Variants in LCA5 observed in about 807,000 individuals in gnomAD.
The protein encoded by LCA5 is lebercilin LCA5, also known as lebercilin.
LCA5 carries 37 observed loss-of-function variants against 53.0 expected under a neutral mutation model. The ratio of observed to expected loss-of-function variants is 0.70; its 90% CI spans 0.54 to 0.92. LCA5 has a LOEUF of 0.92. LCA5 is among the 40% of genes least tolerant of loss of function. The probability of loss-of-function intolerance (pLI) is 0.00; values close to 1 mark genes in which losing one functional copy is unlikely to be tolerated. For synonymous variants in LCA5, 303 were observed against 282.9 expected (o/e 1.07, Z -0.71); for missense variants, 806 against 790.5 (o/e 1.02, Z -0.23).
rs77276999 is a variant in LCA5, at chr6:79,529,276, A to C, written c.-192+7889T>G. 6.8e-3 allele frequency among the ~76,000 whole-genome samples: 1,040 copies of C among 152,332 alleles called. 14 individuals carry two copies. Among genetic ancestry groups the C allele is most frequent in the African/African-American group, 0.023 (966 of 41,572 alleles). ...GCAATTCAAGTACCAGAAAGGTTTA[A>C]ATAAAAATGCAACCAAAGAAAGTAA... On this transcript the variant is annotated intron_variant, in intron 1 of 7. Transcript: ENST00000369846.
At chr6:79,511,132 T>A (rs1582637717) in intron 3 of LCA5, among the ~76,000 whole-genome samples, 1 of 152,162 alleles carries the variant, frequency 6.6e-6, no homozygotes, top group East Asian at 1.9e-4. Flanking sequence ...GCAAGTGCAC[T>A]TTCAGGCATA....
chr6:79,500,149 G>A (rs917650522), intron 3 of LCA5, among the ~76,000 whole-genome samples: 2 of 151,960 alleles, frequency 1.3e-5, no homozygotes, highest in African/African-American at 2.4e-5. Context: ...TAGTGCCGCA[G>A]TAAACATATG....
In LCA5 at chr6:79,513,395, T is replaced by C. The variant is rs777735715; in HGVS notation, c.537A>G (p.Gln179=). ...TALKERLRKS[Q]EKERATEKRV... ...TTTTCTCAGTTGCCCGTTCTTTCTC[T>C]TGAGATTTTCTTAAGCGTTCTTTGA... Residue 179 remains glutamine, a synonymous_variant, in exon 3 of 8, where the codon CAA becomes CAG. Transcript: ENST00000369846. 6.2e-7 allele frequency: 1 copy of C among 1,613,996 alleles called. No individual in the cohort carries two copies. Among genetic ancestry groups the C allele is most frequent in the South Asian group, 1.1e-5 (1 of 91,072 alleles).
In LCA5 at chr6:79,491,809, T is replaced by C. The variant is rs902570637; in HGVS notation, c.956-79A>G. The C allele has an allele frequency of 6.6e-6, 8 of 1,215,284 alleles. No individual in the cohort carries two copies. In the East Asian group the frequency reaches 7.4e-5, roughly 11 times the overall value. 75.3% of individuals were successfully genotyped at this position (1,215,284 alleles called of 1,614,324 possible). Reference sequence around the variant, plus strand: ...ATGGAATTCAGCTGGCATGTATATATATATATGCATGTGTGTTTGCATATA... The same window carrying C: ...ATGGAATTCAGCTGGCATGTATATACATATATGCATGTGTGTTTGCATATA... On this transcript the variant is annotated intron_variant, in intron 5 of 7. Coordinates refer to ENST00000369846, the MANE Select transcript of LCA5 (RefSeq NM_001122769.3).
At chr6:79,514,608 A>G (rs1766373977) in intron 2 of LCA5, among the ~76,000 whole-genome samples, 1 of 152,180 alleles carries the variant, frequency 6.6e-6, no homozygotes, top group Non-Finnish European at 1.5e-5. Flanking sequence ...CATGGAATCA[A>G]CCAAAATGCT....
chr6:79,503,013 T>C (rs182485381), intron 3 of LCA5, among the ~76,000 whole-genome samples: 14 of 152,058 alleles, frequency 9.2e-5, no homozygotes, highest in Admixed American at 9.2e-4. Flanking sequence ...CCCGAGAAAC[T>C]GGGATTACAA....
Position 79,487,865 on chromosome 6 carries a change from T to C in LCA5, c.1233A>G (p.Glu411=), listed in dbSNP as rs1425486188. ...VKQEVEKLED[E]WEREELDKKQ... is the part of the protein sequence containing the mutation. Reference sequence around the variant, plus strand: ...TTTTATCAAGTTCTTCTCTTTCCCATTCTGTATGAAATCAAATTTTTTAAA... The same window carrying C: ...TTTTATCAAGTTCTTCTCTTTCCCACTCTGTATGAAATCAAATTTTTTAAA... The change falls in exon 8 of 8, where the codon GAA becomes GAG. Residue 411 remains glutamate (E), a splice_region_variant and synonymous_variant. Transcript: ENST00000369846. 2 of 1,602,284 alleles carry C rather than the reference T, an allele frequency of 1.2e-6. No individual in the cohort carries two copies. Among genetic ancestry groups the C allele is most frequent in the South Asian group, 2.3e-5 (2 of 88,518 alleles).
intron 3 of LCA5, among the ~76,000 whole-genome samples, chr6:79,500,318 C>T (rs1425887187): frequency 6.6e-6 from 1 of 151,862 alleles, no homozygotes; most frequent in Non-Finnish European, 1.5e-5. Flanking sequence ...TCACAGAATT[C>T]TGTCTTGTTA....
intron 3 of LCA5, among the ~76,000 whole-genome samples, chr6:79,496,698 CA>C (rs962914661): frequency 6.6e-6 from 1 of 151,808 alleles, no homozygotes; most frequent in African/African-American, 2.4e-5. Context: ...GGGAGGAGTA[CA>C]AAAAGGCATT....
intron 6 of LCA5, among the ~76,000 whole-genome samples, chr6:79,489,959 T>C (rs1469946165): frequency 1.3e-5 from 2 of 152,086 alleles, no homozygotes; most frequent in African/African-American, 4.8e-5. Flanking sequence ...TAAAACCAAA[T>C]GCTGCTTCCC....
At chr6:79,493,942 T>C (rs1226899779) in intron 3 of LCA5, among the ~76,000 whole-genome samples, 192 bp from the exon 4 acceptor site, 2 of 152,190 alleles carry the variant, frequency 1.3e-5, no homozygotes, top group Non-Finnish European at 2.9e-5. Flanking sequence ...AGCCTGTTAT[T>C]CCTATCTTTG....
intron 3 of LCA5, among the ~76,000 whole-genome samples, chr6:79,507,073 A>ACTC (rs1770288755): frequency 6.6e-6 from 1 of 151,936 alleles, no homozygotes; most frequent in Admixed American, 6.6e-5. Context: ...CTACCAAAAT[A>ACTC]CTCCTCCATT....
Position 79,529,133 on chromosome 6 carries a change from T to G in LCA5, c.-192+8032A>C, listed in dbSNP as rs532811991. ...CGTGTGAGGGGACTAGCACAGAGAT[T>G]AATTAAAACGGCTATTAATAAGCAA... is the stretch of plus-strand genomic sequence containing the variant. On this transcript the variant is annotated intron_variant, in intron 1 of 7. Coordinates refer to ENST00000369846, the MANE Select transcript of LCA5 (RefSeq NM_001122769.3). Among the ~76,000 whole-genome samples, 22 of 152,302 alleles carry G rather than the reference T, an allele frequency of 1.4e-4. No homozygotes were observed. In the South Asian group the frequency reaches 4.6e-3, roughly 32 times the overall value.
chr6:79,488,954 C>T (rs930528976), intron 7 of LCA5, 130 bp downstream of exon 7: 3 of 1,022,014 alleles, frequency 2.9e-6, no homozygotes, highest in Non-Finnish European at 4.5e-6. Flanking sequence ...CATCCCCTAC[C>T]ACTGTATCCA....
At chr6:79,518,610 T>G in intron 2 of LCA5, 95 bp downstream of exon 2, 1 of 1,124,282 alleles carries the variant, frequency 8.9e-7, no homozygotes, top group Non-Finnish European at 1.4e-6. Flanking sequence ...TACAACAACA[T>G]ATATACTAAT....
At chr6:79,490,477 T>C (rs1473113900) in intron 6 of LCA5, among the ~76,000 whole-genome samples, 4 of 152,122 alleles carry the variant, frequency 2.6e-5, no homozygotes, top group Non-Finnish European at 5.9e-5. Context: ...CTTTTCACTA[T>C]ACCAGGTTTC....
At chr6:79,490,123 C>T (rs1769796406) in intron 6 of LCA5, among the ~76,000 whole-genome samples, 1 of 152,066 alleles carries the variant, frequency 6.6e-6, no homozygotes, top group South Asian at 2.1e-4. Flanking sequence ...CAACTGACTT[C>T]AGTCTATTAC....
At chr6:79,516,465 A>C (rs545440042) in intron 2 of LCA5, among the ~76,000 whole-genome samples, 25 of 152,078 alleles carry the variant, frequency 1.6e-4, no homozygotes, top group African/African-American at 5.8e-4. Context: ...TTATATGAAA[A>C]GTTAAAGCCT....
intron 3 of LCA5, among the ~76,000 whole-genome samples, chr6:79,507,997 G>A (rs1444999410): frequency 1.3e-5 from 2 of 152,118 alleles, no homozygotes; most frequent in Non-Finnish European, 2.9e-5. Flanking sequence ...GGTATCCCAT[G>A]TGACAAAATA....
Sources: allele counts gnomAD v4.1 joint callset (sites outside exome capture counted in the v4.1 genomes callset), GRCh38; gene constraint gnomAD v4.1.1; transcripts MANE v1.5; gene names NCBI Gene and HGNC (gene_info 2026-07-23, HGNC 2026-07-21).